Variants in SOX5 observed in about 807,000 individuals in gnomAD.
SOX5 encodes transcription factor SOX-5.
SOX5 carries 9 observed loss-of-function variants against 92.0 expected under a neutral mutation model. The observed-to-expected ratio is 0.10, with a 90% CI of 0.06 to 0.17. The LOEUF is 0.17. SOX5 is among the 10% of genes least tolerant of loss of function. The pLI, the probability that SOX5 is intolerant of heterozygous loss-of-function variation, is 1.00. For missense variants in SOX5, 642 were observed against 944.5 expected, an observed-to-expected ratio of 0.68 and a Z score of 4.20; for synonymous variants, 344 against 336.3, an observed-to-expected ratio of 1.02 and a Z score of -0.25.
At chr12:23,774,839 A>G (rs1463595422) in intron 3 of SOX5, among the ~76,000 whole-genome samples, 1 of 152,216 alleles carries the variant, frequency 6.6e-6, no homozygotes, top group Non-Finnish European at 1.5e-5. Flanking sequence ...GTAGTATTAA[A>G]CAATTTACAC....
Position 24,436,687 on chromosome 12 carries a change from G to T in SOX5, c.-250-68048C>A, listed in dbSNP as rs141426982. ...GACTGATGACGGGGGCTACACTACA[G>T]AACACATTTTCATTGTAGATAAAAC... On this transcript the variant is annotated intron_variant, in intron 1 of 4. Transcript: ENST00000446891. 5.8e-3 allele frequency among the ~76,000 whole-genome samples: 880 copies of T among 152,194 alleles called. 4 individuals carry two copies. The highest frequency in any genetic ancestry group is 8.1e-3 in the Non-Finnish European group (554 of 68,002).
rs1348819899 is a variant in SOX5 at position 23,529,850 on chromosome 12, T to TTTGA, written c.*4365_*4368dup. 10 of 152,212 alleles carry TTTGA rather than the reference T, an allele frequency of 6.6e-5. No individual in the cohort carries two copies. Among genetic ancestry groups the TTTGA allele is most frequent in the Non-Finnish European group, 1.0e-4 (7 of 68,038 alleles). The allele number at this position is 152,212 out of a possible 1,614,324, so 9.4% of individuals were successfully genotyped here. A position where few individuals can be genotyped will look rare whatever the true frequency, so the allele number is the denominator to read the frequency against. Reference sequence around the variant, plus strand: ...CATACTTTGTTTTAAGCTCCAGGCATTTGATTGTCTCTTTTCTATTTTTTT... The same window carrying TTTGA: ...CATACTTTGTTTTAAGCTCCAGGCATTTGATTGATTGTCTCTTTTCTATTTTTTT... On this transcript the variant is annotated 3_prime_UTR_variant, in exon 15 of 15. Coordinates refer to ENST00000451604, the MANE Select transcript of SOX5 (RefSeq NM_006940.6).
At chr12:23,709,135 T>C (rs902944867) in intron 6 of SOX5, among the ~76,000 whole-genome samples, 11 of 152,166 alleles carry the variant, frequency 7.2e-5, no homozygotes, top group African/African-American at 2.2e-4. Context: ...AGGGTCTTGC[T>C]CTGGTGCCCA....
At chr12:23,729,157 A>C (rs185392931) in intron 6 of SOX5, among the ~76,000 whole-genome samples, 1 of 152,116 alleles carries the variant, frequency 6.6e-6, no homozygotes, top group African/African-American at 2.4e-5. Context: ...TAGCCCATGT[A>C]CTTGCTAAAT....
intron 4 of SOX5, among the ~76,000 whole-genome samples, chr12:24,045,454 C>T (rs544796851): frequency 7.2e-5 from 11 of 152,180 alleles, no homozygotes; most frequent in East Asian, 1.9e-4. Context: ...TGTGCCACTA[C>T]GCCCAGCTAA....
intron 4 of SOX5, among the ~76,000 whole-genome samples, chr12:24,084,512 C>T (rs1204423850): frequency 6.6e-6 from 1 of 152,020 alleles, no homozygotes; most frequent in African/African-American, 2.4e-5. Context: ...GTGTGATATT[C>T]TTTAAAATGA....
chr12:23,886,890 T>C, intron 2 of SOX5, among the ~76,000 whole-genome samples: 1 of 152,178 alleles, frequency 6.6e-6, no homozygotes, highest in East Asian at 1.9e-4. Flanking sequence ...CATTTGGATT[T>C]ACTTAGGTAA....
At chr12:23,583,954 A>G (rs1950378010) in intron 9 of SOX5, among the ~76,000 whole-genome samples, 1 of 152,170 alleles carries the variant, frequency 6.6e-6, no homozygotes, top group African/African-American at 2.4e-5. Flanking sequence ...AAAGTAAAAC[A>G]GGAGCTCACA....
At chr12:24,452,344 C>G (rs1322470422) in intron 1 of SOX5, among the ~76,000 whole-genome samples, 1 of 152,130 alleles carries the variant, frequency 6.6e-6, no homozygotes. Flanking sequence ...AAAAAATTAT[C>G]CAACCTAATG....
At chr12:23,741,152 C>G (rs779645985) in intron 4 of SOX5, 113 bp from the exon 5 acceptor site, 137 of 669,572 alleles carry the variant, frequency 2.0e-4, no homozygotes, top group Non-Finnish European at 2.9e-4. Context: ...TCAATAAACA[C>G]AAAAGCATTA....
chr12:24,385,484 G>A (rs918767037), intron 1 of SOX5, among the ~76,000 whole-genome samples: 38 of 151,976 alleles, frequency 2.5e-4, no homozygotes, highest in African/African-American at 8.5e-4. Flanking sequence ...ATTGTATGTC[G>A]GGAGCATCTG....
chr12:23,761,780 C>G (rs1018616696), intron 3 of SOX5, among the ~76,000 whole-genome samples: 8 of 152,076 alleles, frequency 5.3e-5, no homozygotes, highest in South Asian at 4.2e-4. Flanking sequence ...GTGGGCTAGT[C>G]TGTTTTAGAA....
intron 6 of SOX5, among the ~76,000 whole-genome samples, chr12:23,727,300 G>A (rs988482420): frequency 6.6e-6 from 1 of 152,038 alleles, no homozygotes; most frequent in Admixed American, 6.6e-5. Context: ...AGGACATAGA[G>A]TAGTTAAAAA....
chr12:24,056,007 A>G (rs1266705612), intron 4 of SOX5, among the ~76,000 whole-genome samples: 1 of 152,204 alleles, frequency 6.6e-6, no homozygotes, highest in East Asian at 1.9e-4. Flanking sequence ...AACACTCTCA[A>G]TCTTTAACCA....
intron 1 of SOX5, among the ~76,000 whole-genome samples, chr12:24,433,836 G>A (rs1262224306): frequency 2.0e-5 from 3 of 152,160 alleles, no homozygotes; most frequent in East Asian, 3.9e-4. Flanking sequence ...CAGTGCCATG[G>A]GTGCGGATGA....
chr12:24,273,224 A>T (rs1943994778), intron 3 of SOX5, among the ~76,000 whole-genome samples: 1 of 152,140 alleles, frequency 6.6e-6, no homozygotes. Context: ...AAGCCACTGC[A>T]CTCCAGCCTG....
chr12:24,433,220 A>G (rs925006758), intron 1 of SOX5, among the ~76,000 whole-genome samples: 2 of 152,242 alleles, frequency 1.3e-5, no homozygotes, highest in South Asian at 4.1e-4. Context: ...TGTTCTCAGT[A>G]GTTAAAATGT....
At chr12:23,727,774 T>C (rs2093213413) in intron 6 of SOX5, among the ~76,000 whole-genome samples, 1 of 152,136 alleles carries the variant, frequency 6.6e-6, no homozygotes, top group Non-Finnish European at 1.5e-5. Context: ...AAGTAAATAC[T>C]AGGAGGAAGA....
At chr12:24,431,427 T>G (rs889709116) in intron 1 of SOX5, among the ~76,000 whole-genome samples, 2 of 152,186 alleles carry the variant, frequency 1.3e-5, no homozygotes, top group African/African-American at 4.8e-5. Flanking sequence ...ATTGCACACA[T>G]TTGATAGACA....
Sources: allele counts gnomAD v4.1 joint callset (sites outside exome capture counted in the v4.1 genomes callset), GRCh38; gene constraint gnomAD v4.1.1; transcripts MANE v1.5; gene names NCBI Gene and HGNC (gene_info 2026-07-23, HGNC 2026-07-21).